SNX2: variants seen among roughly 807,000 people sequenced by gnomAD.
SNX2 encodes sorting nexin 2, also known as sorting nexin-2.
Under a neutral mutation model 69.9 loss-of-function variants are expected in SNX2, and 25 were observed. The ratio of observed to expected loss-of-function variants is 0.36; its 90% CI spans 0.26 to 0.50. SNX2 has a LOEUF of 0.50. SNX2 is among the 20% of genes least tolerant of loss of function. SNX2 has a pLI of 0.97. For missense variants in SNX2, 551 were observed against 613.3 expected (o/e 0.90, Z 1.07); for synonymous variants, 229 against 200.4 (o/e 1.14, Z -1.20).
chr5:122,828,873 C>T (rs1561480581), intron 14 of SNX2, among the ~76,000 whole-genome samples: 1 of 152,244 alleles, frequency 6.6e-6, no homozygotes, highest in South Asian at 2.1e-4. Context: ...AATCTCAGCA[C>T]ATTGGGAGGC....
chr5:122,780,073 A>C (rs987338788), intron 1 of SNX2, among the ~76,000 whole-genome samples: 2 of 152,210 alleles, frequency 1.3e-5, no homozygotes, highest in Non-Finnish European at 2.9e-5. Context: ...TTCTTAGGGG[A>C]GGGAATAATA....
At chr5:122,818,701 A>T in intron 10 of SNX2, 117 bp from the exon 11 acceptor site, 1 of 770,674 alleles carries the variant, frequency 1.3e-6, no homozygotes, top group Non-Finnish European at 2.0e-6. Context: ...TTAATTTAAA[A>T]TATTATTTGA....
At chr5:122,815,125 G>C (rs1302261378) in intron 7 of SNX2, among the ~76,000 whole-genome samples, 1 of 152,082 alleles carries the variant, frequency 6.6e-6, no homozygotes. Context: ...CTTTTATGAA[G>C]TCATGATTGG....
chr5:122,819,085 TATTA>T (rs1486582361), intron 11 of SNX2, 62 bp downstream of exon 11: 7 of 1,327,096 alleles, frequency 5.3e-6, no homozygotes, highest in African/African-American at 1.5e-5. Context: ...TTTTGTTTCC[TATTA>T]ATTATGTATT....
At position 122,829,653 on chromosome 5, in the gene SNX2, A is replaced by G; in HGVS notation, c.*5A>G. On this transcript the variant is annotated 3_prime_UTR_variant, in exon 15 of 15. Coordinates refer to ENST00000379516, the MANE Select transcript of SNX2 (RefSeq NM_003100.4). ...GAAGCCAAAGCCATTGCCTAGCAATAAGATTGTTGCCGTTAAGAAGACCTT... is the reference window on the plus strand; with the variant it reads ...GAAGCCAAAGCCATTGCCTAGCAATGAGATTGTTGCCGTTAAGAAGACCTT... 6.2e-7 allele frequency: 1 copy of G among 1,612,590 alleles called. No homozygotes were observed. Among genetic ancestry groups the G allele is most frequent in the South Asian group, 1.1e-5 (1 of 91,054 alleles).
chr5:122,821,647 A>T (rs1754028284), intron 11 of SNX2, among the ~76,000 whole-genome samples: 1 of 151,792 alleles, frequency 6.6e-6, no homozygotes, highest in Admixed American at 6.6e-5. Context: ...AGTAGAGACG[A>T]GGTTTCACCG....
intron 5 of SNX2, 143 bp downstream of exon 5, chr5:122,802,267 G>T: frequency 1.3e-6 from 1 of 749,404 alleles, no homozygotes; most frequent in South Asian, 1.6e-5. Context: ...GGTGCAATGA[G>T]TTGTGAGTGG....
rs1754235601 is a variant in SNX2 at position 122,829,607 on chromosome 5, T to C, written c.1519T>C (p.Tyr507His). The change falls in exon 15 of 15, where the codon TAC becomes CAC. Residue 507 changes from tyrosine to histidine, a missense_variant. By Grantham distance (83) the Tyr-to-His change is moderately conservative. Around this residue, in one of 2 missense-constraint regions of SNX2, gnomAD observed 360 missense variants for 450.4 expected, o/e 0.80. Coordinates refer to ENST00000379516, the MANE Select transcript of SNX2 (RefSeq NM_003100.4). ...TAATTATCATTCACAGCTGATAAAATACTGGGAAGCATTCCTACCTGAAGC... is the reference window on the plus strand; with the variant it reads ...TAATTATCATTCACAGCTGATAAAACACTGGGAAGCATTCCTACCTGAAGC... The part of the protein sequence containing the change: ...LVQTQQQLIK[Y>H]WEAFLPEAKA... 2 of 1,612,608 alleles carry C rather than the reference T, an allele frequency of 1.2e-6. No individual in the cohort carries two copies. Among genetic ancestry groups the C allele is most frequent in the Admixed American group, 1.7e-5 (1 of 59,996 alleles).
In SNX2 at chr5:122,829,960, CAAT is replaced by C. The variant is rs1754248674; in HGVS notation, c.*314_*316del. On this transcript the variant is annotated 3_prime_UTR_variant, in exon 15 of 15. Coordinates refer to ENST00000379516, the MANE Select transcript of SNX2 (RefSeq NM_003100.4). ...TGCACTGCAAGACCAGAAAATTTTA[CAAT>C]ATTTTTTCTTTACAATATGTTCTGT... 1 of 305,670 alleles carries C rather than the reference CAAT, an allele frequency of 3.3e-6. No individual in the cohort carries two copies. The highest frequency in any genetic ancestry group is 6.1e-6 in the Non-Finnish European group (1 of 162,842). The allele number at this position is 305,670 out of a possible 1,614,324, so 18.9% of individuals were successfully genotyped here.
At chr5:122,797,995 A>C (rs1214046553) in intron 2 of SNX2, among the ~76,000 whole-genome samples, 1 of 152,212 alleles carries the variant, frequency 6.6e-6, no homozygotes, top group Non-Finnish European at 1.5e-5. Flanking sequence ...AAATGACTTT[A>C]TCTGTACTGA....
In SNX2 at chr5:122,829,775, T is replaced by C. The variant is rs546496338; in HGVS notation, c.*127T>C. ...TTTATGAATTACATGTGGTTTTATA[T>C]ACACACACACACACACACACACACA... On this transcript the variant is annotated 3_prime_UTR_variant, in exon 15 of 15. Coordinates refer to ENST00000379516, the MANE Select transcript of SNX2 (RefSeq NM_003100.4). 571 of 525,668 alleles carry C rather than the reference T, an allele frequency of 1.1e-3. 2 individuals are homozygous for C. The highest frequency in any genetic ancestry group is 2.9e-3 in the Middle Eastern group (8 of 2,760). 32.6% of individuals were successfully genotyped at this position (525,668 alleles called of 1,614,324 possible).
chr5:122,827,201 T>C (rs1754168180), intron 12 of SNX2, 178 bp from the exon 13 acceptor site: 1 of 585,318 alleles, frequency 1.7e-6, no homozygotes, highest in African/African-American at 1.9e-5. Flanking sequence ...GAAATTAAGC[T>C]AACATGCATT....
chr5:122,829,534 G>T (rs1382964981), intron 14 of SNX2, 64 bp from the exon 15 acceptor site: 2 of 1,299,982 alleles, frequency 1.5e-6, no homozygotes, highest in Non-Finnish European at 2.2e-6. Context: ...TGCTGTACAG[G>T]ATATATGCAT....
chr5:122,801,918 C>A lies in SNX2; in HGVS notation c.440C>A (p.Ser147Ter). 1.2e-6 allele frequency: 2 copies of A among 1,603,220 alleles called. No individual in the cohort carries two copies. Among genetic ancestry groups the A allele is most frequent in the South Asian group, 2.2e-5 (2 of 89,478 alleles). Reference protein sequence around the residue: ...GDIFDIEIGVSDPEKVGDGMN... With the variant: ...GDIFDIEIGV ...ATTTTTGACATAGAAATTGGTGTAT[C>A]AGATCCAGAAAAAGTTGGTGAGTCA... Residue 147 changes from serine to a stop codon, truncating the protein, a stop_gained, in exon 4 of 15, where the codon TCA becomes TAA. Coordinates refer to ENST00000379516, the MANE Select transcript of SNX2 (RefSeq NM_003100.4). LOFTEE classifies it high-confidence loss of function.
At position 122,831,937 on chromosome 5, in the gene SNX2, G is replaced by A. The variant is rs1754299800; in HGVS notation, c.*2289G>A. On this transcript the variant is annotated 3_prime_UTR_variant, in exon 15 of 15. Transcript: ENST00000379516. Reference sequence around the variant, plus strand: ...AAGATGAGTGTGCTGGAAATTTCAAGTATTATATGAGCCTCTGATACCTAC... The same window carrying A: ...AAGATGAGTGTGCTGGAAATTTCAAATATTATATGAGCCTCTGATACCTAC... Among the ~76,000 whole-genome samples the A allele has an allele frequency of 6.6e-6, 1 of 152,088 alleles. No homozygotes were observed. Among genetic ancestry groups the A allele is most frequent in the Admixed American group, 6.6e-5 (1 of 15,260 alleles).
chr5:122,825,867 T>C (rs1369688480), intron 11 of SNX2, among the ~76,000 whole-genome samples, 183 bp from the exon 12 acceptor site: 1 of 152,110 alleles, frequency 6.6e-6, no homozygotes, highest in Non-Finnish European at 1.5e-5. Flanking sequence ...TTTTTTTGTT[T>C]TAAGCAAATG....
intron 1 of SNX2, among the ~76,000 whole-genome samples, chr5:122,780,116 T>G (rs1224682546): frequency 6.6e-6 from 1 of 152,218 alleles, no homozygotes; most frequent in Non-Finnish European, 1.5e-5. Flanking sequence ...GTTATATCAG[T>G]GAAGATAGCA....
intron 1 of SNX2, among the ~76,000 whole-genome samples, chr5:122,778,274 C>T (rs1205046521): frequency 2.6e-5 from 4 of 152,164 alleles, no homozygotes; most frequent in Non-Finnish European, 2.9e-5. Flanking sequence ...AATAGTGCTG[C>T]AGTAAACATG....
rs371450476 is a variant in SNX2 at position 122,803,625 on chromosome 5, T to G, written c.643+12T>G. ...AAAGAGTATAGTAGGTAAGCACAAA[T>G]TTTTCAAAAATTAATTTTTGTTACT... On this transcript the variant is annotated intron_variant, in intron 6 of 14. Coordinates refer to ENST00000379516, the MANE Select transcript of SNX2 (RefSeq NM_003100.4). 6.9e-5 allele frequency: 110 copies of G among 1,584,598 alleles called. No individual in the cohort carries two copies. In the African/African-American group the frequency reaches 1.3e-3, roughly 18 times the overall value.
Sources: gnomAD v4.1 joint callset for allele counts (sites outside exome capture counted in the v4.1 genomes callset) on GRCh38, gnomAD v4.1.1 for gene constraint, gnomAD v4.1.1 regional missense constraint, MANE v1.5 for transcripts, NCBI Gene and HGNC (gene_info 2026-07-23, HGNC 2026-07-21) for gene names.